The following ADAM22 variants were observed in gnomAD, a reference collection of about 807,000 sequenced individuals.
The protein encoded by ADAM22 is ADAM metallopeptidase domain 22, also known as disintegrin and metalloproteinase domain-containing protein 22.
ADAM22 carries 65 observed loss-of-function variants against 144.6 expected under a neutral mutation model. The observed-to-expected ratio is 0.45, with a 90% confidence interval of 0.37 to 0.55. The LOEUF (loss-of-function observed/expected upper bound fraction) is 0.55, where lower values mean the gene tolerates loss of function less well. Among genes scored for constraint, ADAM22 ranks in the 20% least tolerant of loss-of-function variants. ADAM22 has a pLI of 0.00. For missense variants in ADAM22, 974 were observed against 1,184.9 expected, an observed-to-expected ratio of 0.82 and a Z score of 2.61; for synonymous variants, 391 against 412.6, an observed-to-expected ratio of 0.95 and a Z score of 0.63.
Position 88,193,379 on chromosome 7 carries a change from C to G in ADAM22, c.2874+140C>G, listed in dbSNP as rs572731372. The G allele has an allele frequency of 6.7e-6, 7 of 1,048,564 alleles. No individual in the cohort carries two copies. In the Admixed American group the frequency reaches 1.9e-4, roughly 28 times the overall value. The allele number at this position is 1,048,564 out of a possible 1,614,324, so 65.0% of individuals were successfully genotyped here. A position where few individuals can be genotyped will look rare whatever the true frequency, so the allele number is the denominator to read the frequency against. Reference sequence around the variant, plus strand: ...AATCAAACTTGAAAATAAGGAGATTCTTGAGACTTTTGGCTTCAGATTTAT... The same window carrying G: ...AATCAAACTTGAAAATAAGGAGATTGTTGAGACTTTTGGCTTCAGATTTAT... On this transcript the variant is annotated intron_variant, in intron 31 of 31. Coordinates refer to ENST00000413139, the MANE Select transcript of ADAM22 (RefSeq NM_001324418.2).
At chr7:88,155,531 A>G (rs1051212356) in intron 21 of ADAM22, among the ~76,000 whole-genome samples, 1 of 151,898 alleles carries the variant, frequency 6.6e-6, no homozygotes, top group African/African-American at 2.4e-5. Flanking sequence ...CTAAGAAAAA[A>G]AAAAAAAAAA....
At chr7:87,993,486 C>G (rs1397203819) in intron 3 of ADAM22, among the ~76,000 whole-genome samples, 1 of 152,138 alleles carries the variant, frequency 6.6e-6, no homozygotes, top group South Asian at 2.1e-4. Flanking sequence ...TAGCCCTGGG[C>G]ACACTGTGAA....
chr7:88,140,069 T>C (rs1834150514), intron 14 of ADAM22, among the ~76,000 whole-genome samples: 2 of 152,066 alleles, frequency 1.3e-5, no homozygotes, highest in Admixed American at 1.3e-4. Flanking sequence ...GTGTGTCACA[T>C]GGCAAGAGAG....
chr7:88,181,910 G>A lies in ADAM22; in HGVS notation c.2597-48G>A, dbSNP rs1343333208. 6 of 1,528,930 alleles carry A rather than the reference G, an allele frequency of 3.9e-6. No homozygotes were observed. The African/African-American group carries it at 8.2e-5, about 21-fold the overall frequency. 94.7% of individuals were successfully genotyped at this position (1,528,930 alleles called of 1,614,324 possible). A position where few individuals can be genotyped will look rare whatever the true frequency, so the allele number is the denominator to read the frequency against. Reference sequence around the variant, plus strand: ...GAAATGCCTCGTAATTAGACATAGGGCAATCACTTATTTACATGGAAATCT... The same window carrying A: ...GAAATGCCTCGTAATTAGACATAGGACAATCACTTATTTACATGGAAATCT... On this transcript the variant is annotated intron_variant, in intron 28 of 31. Transcript: ENST00000413139.
chr7:88,120,863 T>C (rs1430527561), intron 7 of ADAM22, among the ~76,000 whole-genome samples: 1 of 152,236 alleles, frequency 6.6e-6, no homozygotes, highest in African/African-American at 2.4e-5. Context: ...TATTCTCTAG[T>C]GTTTTCTTCT....
intron 3 of ADAM22, among the ~76,000 whole-genome samples, chr7:88,051,056 G>A (rs1226619730): frequency 6.6e-6 from 1 of 152,178 alleles, no homozygotes; most frequent in Non-Finnish European, 1.5e-5. Flanking sequence ...GAAACAACAG[G>A]TGATGGAGAG....
intron 14 of ADAM22, among the ~76,000 whole-genome samples, chr7:88,140,069 T>G (rs1834150514): frequency 6.6e-6 from 1 of 152,066 alleles, no homozygotes; most frequent in Non-Finnish European, 1.5e-5. Flanking sequence ...GTGTGTCACA[T>G]GGCAAGAGAG....
intron 3 of ADAM22, among the ~76,000 whole-genome samples, chr7:88,009,801 C>G (rs1399863324): frequency 6.6e-6 from 1 of 152,096 alleles, no homozygotes; most frequent in East Asian, 1.9e-4. Context: ...GGGTGCATCC[C>G]TGTGGTAAGA....
intron 3 of ADAM22, among the ~76,000 whole-genome samples, chr7:88,067,634 T>G (rs1261459666): frequency 2.6e-5 from 4 of 152,106 alleles, no homozygotes; most frequent in Non-Finnish European, 5.9e-5. Context: ...AAAATCTGAT[T>G]CTGCTGCAAA....
rs1363191489 is a variant in ADAM22, at chr7:88,153,239, A to G, written c.1700A>G (p.Lys567Arg). Residue 567 changes from lysine (K) to arginine (R), a missense_variant, in exon 21 of 32, where the codon AAA (lysine) becomes AGA (arginine). Around this residue, in one of 2 missense-constraint regions of ADAM22, gnomAD observed 734 missense variants for 950.6 expected, o/e 0.77. Coordinates refer to ENST00000413139, the MANE Select transcript of ADAM22 (RefSeq NM_001324418.2). Reference sequence around the variant, plus strand: ...GCCTTAGAGGTGACAGCATCAGACAAATATTGCTATGAGAAACTGAATATT... The same window carrying G: ...GCCTTAGAGGTGACAGCATCAGACAGATATTGCTATGAGAAACTGAATATT... ...IWGQKVTASD[K>R]YCYEKLNIEG... 2 of 1,613,444 alleles carry G rather than the reference A, an allele frequency of 1.2e-6. No homozygotes were observed. Among genetic ancestry groups the G allele is most frequent in the African/African-American group, 1.3e-5 (1 of 75,016 alleles).
intron 13 of ADAM22, 65 bp from the exon 14 acceptor site, chr7:88,135,915 C>T: frequency 1.4e-6 from 2 of 1,381,268 alleles, no homozygotes; most frequent in African/African-American, 2.9e-5. Context: ...TATTTTAAAA[C>T]AGAAACTACT....
At position 88,037,172 on chromosome 7, in the gene ADAM22, C is replaced by T. The variant is rs1801717783; in HGVS notation, c.324-38454C>T. On this transcript the variant is annotated intron_variant, in intron 3 of 31. Transcript: ENST00000413139. ...TGGGATTCTTTCTTTGAGAAAAATT[C>T]TAAGTAATGGAATTAGTAGATCAAA... Among the ~76,000 whole-genome samples the T allele has an allele frequency of 2.0e-5, 3 of 152,122 alleles. No homozygotes were observed. In the South Asian group the frequency reaches 6.2e-4, roughly 32 times the overall value.
chr7:88,144,776 C>T (rs923074420), intron 15 of ADAM22, among the ~76,000 whole-genome samples: 1 of 152,030 alleles, frequency 6.6e-6, no homozygotes, highest in African/African-American at 2.4e-5. Flanking sequence ...TCCCCTGCTT[C>T]CAGTTTGAAA....
At chr7:88,044,151 T>G (rs895464493) in intron 3 of ADAM22, among the ~76,000 whole-genome samples, 9 of 152,220 alleles carry the variant, frequency 5.9e-5, no homozygotes, top group Non-Finnish European at 1.2e-4. Flanking sequence ...TAATAGCCCT[T>G]GACTGCTCTC....
intron 3 of ADAM22, among the ~76,000 whole-genome samples, chr7:88,064,660 GCAGA>G (rs1335808824): frequency 6.6e-6 from 1 of 152,098 alleles, no homozygotes; most frequent in Non-Finnish European, 1.5e-5. Context: ...TTTTCACGTG[GCAGA>G]CAGGATAGAA....
At chr7:88,002,417 G>C (rs760998256) in intron 3 of ADAM22, among the ~76,000 whole-genome samples, 5 of 152,288 alleles carry the variant, frequency 3.3e-5, no homozygotes, top group Non-Finnish European at 5.9e-5. Context: ...ACTGGGAGCT[G>C]GGTGTGGAAT....
At chr7:88,065,944 TC>T (rs989802813) in intron 3 of ADAM22, among the ~76,000 whole-genome samples, 2 of 152,186 alleles carry the variant, frequency 1.3e-5, no homozygotes, top group African/African-American at 4.8e-5. Flanking sequence ...TCTGATATTA[TC>T]TTTTTAATTC....
intron 13 of ADAM22, among the ~76,000 whole-genome samples, 195 bp downstream of exon 13, chr7:88,134,614 A>G (rs1231567021): frequency 1.3e-5 from 2 of 152,230 alleles, no homozygotes; most frequent in Non-Finnish European, 2.9e-5. Flanking sequence ...GGAAATTTCT[A>G]TGACTATAAT....
intron 5 of ADAM22, among the ~76,000 whole-genome samples, chr7:88,110,770 T>C (rs1825805266): frequency 2.1e-5 from 1 of 47,254 alleles, no homozygotes; most frequent in Non-Finnish European, 4.5e-5. Context: ...TCTGTCAGAG[T>C]CTCACTCTGT....
Sources: gnomAD v4.1 joint callset for allele counts (sites outside exome capture counted in the v4.1 genomes callset) on GRCh38, gnomAD v4.1.1 for gene constraint, gnomAD v4.1.1 regional missense constraint, MANE v1.5 for transcripts, NCBI Gene and HGNC (gene_info 2026-07-23, HGNC 2026-07-21) for gene names.